Variants in FAM110B observed in about 807,000 individuals in gnomAD.
The protein encoded by FAM110B is protein FAM110B.
Under a neutral mutation model 20.4 loss-of-function variants are expected in FAM110B, and 6 were observed. That is an observed-to-expected ratio of 0.29 (90% CI 0.16 to 0.58). The LOEUF (loss-of-function observed/expected upper bound fraction) is 0.58, where lower values mean the gene tolerates loss of function less well. FAM110B is among the 20% of genes least tolerant of loss of function. The pLI, the probability that FAM110B is intolerant of heterozygous loss-of-function variation, is 0.90. For synonymous variants in FAM110B, 226 were observed against 214.1 expected, an observed-to-expected ratio of 1.06 and a Z score of -0.49; for missense variants, 434 against 498.2, an observed-to-expected ratio of 0.87 and a Z score of 1.23.
chr8:58,017,762 T>G (rs1804669492), intron 1 of FAM110B, among the ~76,000 whole-genome samples: 1 of 152,164 alleles, frequency 6.6e-6, no homozygotes. Flanking sequence ...TGATATCTGG[T>G]TTGATTTGAT....
In FAM110B at chr8:58,148,177, T is replaced by G. The variant is rs77096367; in HGVS notation, c.*834T>G. ...AGTTGTGGTTTTTTGTTTTTTTTTT[T>G]TTTTTTTTTGGTCGAGAACTACTAA... On this transcript the variant is annotated 3_prime_UTR_variant, in exon 4 of 4. Transcript: ENST00000519262. 23 of 158,138 alleles carry G rather than the reference T, an allele frequency of 1.5e-4. No individual in the cohort carries two copies. Among genetic ancestry groups the G allele is most frequent in the South Asian group, 2.1e-4 (1 of 4,702 alleles). 9.8% of individuals were successfully genotyped at this position (158,138 alleles called of 1,614,324 possible).
intron 1 of FAM110B, among the ~76,000 whole-genome samples, chr8:58,010,183 G>GT (rs34438201): frequency 0.064 from 8,999 of 140,646 alleles, 358 homozygotes; most frequent in Non-Finnish European, 0.084. Context: ...CGCCCTGCTA[G>GT]TTTTTTTTTT....
Position 58,146,577 on chromosome 8 carries a change from T to G in FAM110B, c.347T>G (p.Leu116Arg). Residue 116 changes from leucine to arginine, a missense_variant, in exon 4 of 4, where the codon CTG (leucine) becomes CGG (arginine). Physicochemically the swap from Leu to Arg is moderately radical, Grantham distance 102. Coordinates refer to ENST00000519262, the MANE Select transcript of FAM110B (RefSeq NM_001377989.1). ...KTESGVQREN[L>R]KLEILKNIIN... ...GAGAGCGGCGTGCAGAGGGAGAACC[T>G]GAAGCTGGAGATCCTGAAGAACATC... is the stretch of plus-strand genomic sequence containing the variant. 1.2e-6 allele frequency: 2 copies of G among 1,614,014 alleles called. No homozygotes were observed. The highest frequency in any genetic ancestry group is 2.2e-5 in the East Asian group (1 of 44,864).
intron 3 of FAM110B, among the ~76,000 whole-genome samples, chr8:58,090,646 G>A (rs1008050751): frequency 2.0e-5 from 3 of 152,224 alleles, no homozygotes; most frequent in Admixed American, 2.0e-4. Flanking sequence ...GGGGTGGAGG[G>A]TCAGGGTCTT....
At chr8:57,995,832 T>G (rs1362091233) in intron 1 of FAM110B, among the ~76,000 whole-genome samples, 1 of 152,228 alleles carries the variant, frequency 6.6e-6, no homozygotes, top group Non-Finnish European at 1.5e-5. Context: ...ACAGCCAACT[T>G]ATGTCCTCTG....
At chr8:58,071,936 CAGT>C (rs1805908716) in intron 2 of FAM110B, among the ~76,000 whole-genome samples, 1 of 152,168 alleles carries the variant, frequency 6.6e-6, no homozygotes, top group Middle Eastern at 3.2e-3. Flanking sequence ...GGGTGCGTAT[CAGT>C]AGCGGAGAGT....
intron 2 of FAM110B, among the ~76,000 whole-genome samples, chr8:58,046,798 T>C (rs180672077): frequency 6.6e-5 from 10 of 152,232 alleles, no homozygotes; most frequent in Non-Finnish European, 1.0e-4. Flanking sequence ...CAGTTTTAAT[T>C]ACTGCATCTC....
intron 1 of FAM110B, among the ~76,000 whole-genome samples, chr8:58,030,431 A>G (rs80298594): frequency 0.028 from 4,237 of 152,202 alleles, 195 homozygotes; most frequent in African/African-American, 0.095. Flanking sequence ...GGCTCTTTGT[A>G]TTGTTTTGAA....
In FAM110B at chr8:58,145,960, G is replaced by A; in HGVS notation, c.-271G>A. The A allele has an allele frequency of 2.6e-6, 1 of 384,578 alleles. No homozygotes were observed. The allele number at this position is 384,578 out of a possible 1,614,324, so 23.8% of individuals were successfully genotyped here. Reference sequence around the variant, plus strand: ...GGAGGAGACTCCCACCTCCTTCAGGGAGAAGAAAGGAGGCAGCGAAGCAGA... The same window carrying A: ...GGAGGAGACTCCCACCTCCTTCAGGAAGAAGAAAGGAGGCAGCGAAGCAGA... On this transcript the variant is annotated 5_prime_UTR_variant, in exon 4 of 4. Transcript: ENST00000519262.
intron 2 of FAM110B, among the ~76,000 whole-genome samples, chr8:58,058,095 T>C (rs1470230463): frequency 6.6e-6 from 1 of 152,246 alleles, no homozygotes; most frequent in African/African-American, 2.4e-5. Context: ...GACAATACAC[T>C]CCCTTATTAG....
intron 1 of FAM110B, among the ~76,000 whole-genome samples, chr8:58,000,750 G>C (rs1804277057): frequency 6.6e-6 from 1 of 152,212 alleles, no homozygotes; most frequent in Non-Finnish European, 1.5e-5. Flanking sequence ...GATTACGCTT[G>C]TGTGTTTTTA....
chr8:58,085,045 C>A (rs1305280991), intron 3 of FAM110B, among the ~76,000 whole-genome samples: 1 of 152,134 alleles, frequency 6.6e-6, no homozygotes, highest in African/African-American at 2.4e-5. Flanking sequence ...ACGCATCACT[C>A]TCTGAACCTG....
At chr8:58,006,924 T>TATATATATATATA (rs6150600) in intron 1 of FAM110B, among the ~76,000 whole-genome samples, 13 of 110,970 alleles carry the variant, frequency 1.2e-4, no homozygotes, top group Non-Finnish European at 1.8e-4. Context: ...TATATATATA[T>TATATATATATATA]TTTTCCAAAA....
rs144665801 is a variant in FAM110B at position 58,135,630 on chromosome 8, C to T, written c.-324-10277C>T. ...ACTTTATCATTTGTGCTAGATTTGCCCTAGAGTACAAGTTTACACAGCTAA... is the reference window on the plus strand; with the variant it reads ...ACTTTATCATTTGTGCTAGATTTGCTCTAGAGTACAAGTTTACACAGCTAA... On this transcript the variant is annotated intron_variant, in intron 3 of 3. Transcript: ENST00000519262. 9.3e-3 allele frequency among the ~76,000 whole-genome samples: 1,415 copies of T among 152,088 alleles called. 11 individuals carry two copies. Among genetic ancestry groups the T allele is most frequent in the Non-Finnish European group, 0.015 (1,015 of 68,000 alleles).
intron 2 of FAM110B, among the ~76,000 whole-genome samples, chr8:58,058,646 G>A (rs575130627): frequency 6.6e-6 from 1 of 152,198 alleles, no homozygotes; most frequent in South Asian, 2.1e-4. Context: ...ATGCATGAGA[G>A]ATTGAGTCAT....
chr8:58,099,592 G>A (rs943155842), intron 3 of FAM110B, among the ~76,000 whole-genome samples: 1 of 152,098 alleles, frequency 6.6e-6, no homozygotes, highest in African/African-American at 2.4e-5. Context: ...CCTCAGTTCT[G>A]ATCTCTCCTG....
chr8:58,092,418 A>G (rs1034022383), intron 3 of FAM110B, among the ~76,000 whole-genome samples: 3 of 151,862 alleles, frequency 2.0e-5, no homozygotes, highest in Non-Finnish European at 4.4e-5. Flanking sequence ...CCGACAGGCC[A>G]TGGTGTGTGA....
intron 3 of FAM110B, among the ~76,000 whole-genome samples, chr8:58,096,262 A>G (rs1585882498): frequency 1.3e-5 from 2 of 151,934 alleles, no homozygotes; most frequent in South Asian, 2.1e-4. Flanking sequence ...TGCAACCTCC[A>G]CCTTCCGGTT....
intron 3 of FAM110B, among the ~76,000 whole-genome samples, chr8:58,117,912 G>A (rs1029869832): frequency 3.3e-5 from 5 of 152,048 alleles, no homozygotes; most frequent in African/African-American, 1.2e-4. Flanking sequence ...AAAACTAACG[G>A]ACATTAAATA....
Sources: gnomAD v4.1 joint callset for allele counts (sites outside exome capture counted in the v4.1 genomes callset) on GRCh38, gnomAD v4.1.1 for gene constraint, MANE v1.5 for transcripts, NCBI Gene and HGNC (gene_info 2026-07-23, HGNC 2026-07-21) for gene names.